The following RBMS3 variants were observed in gnomAD, a reference collection of about 807,000 sequenced individuals.
RBMS3 encodes RNA binding motif single stranded interacting protein 3.
RBMS3 carries 27 observed loss-of-function variants against 66.8 expected under a neutral mutation model. The observed-to-expected ratio is 0.40, with a 90% CI of 0.30 to 0.56. The LOEUF (loss-of-function observed/expected upper bound fraction) is 0.56. Ranked by LOEUF, RBMS3 falls within the 20% of genes least tolerant of loss-of-function variation. The probability of loss-of-function intolerance (pLI) is 0.40; values close to 1 mark genes in which losing one functional copy is unlikely to be tolerated. For synonymous variants in RBMS3, 188 were observed against 183.0 expected, an observed-to-expected ratio of 1.03 and a Z score of -0.22; for missense variants, 513 against 549.5, an observed-to-expected ratio of 0.93 and a Z score of 0.66.
rs374079271 is a variant in RBMS3 at position 29,639,894 on chromosome 3, T to C, written c.399+52689T>C. Reference sequence around the variant, plus strand: ...AAGTTCCAGGAGAAAATTGAATAACTGTTCAATGAGGTATTCAGATGACGG... The same window carrying C: ...AAGTTCCAGGAGAAAATTGAATAACCGTTCAATGAGGTATTCAGATGACGG... On this transcript the variant is annotated intron_variant, in intron 4 of 14. Coordinates refer to ENST00000383767, the MANE Select transcript of RBMS3 (RefSeq NM_001003793.3). Among the ~76,000 whole-genome samples, 51 of 151,922 alleles carry C rather than the reference T, an allele frequency of 3.4e-4. No homozygotes were observed. In the South Asian group the frequency reaches 4.8e-3, roughly 14 times the overall value.
At chr3:29,350,881 T>TAA (rs760592484) in intron 1 of RBMS3, among the ~76,000 whole-genome samples, 3 of 145,564 alleles carry the variant, frequency 2.1e-5, no homozygotes, top group Non-Finnish European at 3.0e-5. Flanking sequence ...ATGTGCATGG[T>TAA]AAAAAAAAAA....
intron 4 of RBMS3, among the ~76,000 whole-genome samples, chr3:29,657,631 G>A (rs2050372020): frequency 6.6e-6 from 1 of 152,060 alleles, no homozygotes; most frequent in African/African-American, 2.4e-5. Flanking sequence ...CTCAAGGGAG[G>A]GGCAGGGTTC....
At chr3:29,475,148 G>A (rs10510621) in intron 2 of RBMS3, among the ~76,000 whole-genome samples, 19,025 of 152,044 alleles carry the variant, frequency 0.13, 1,238 homozygotes, top group East Asian at 0.15. Flanking sequence ...TGTCTGTAAC[G>A]GATGCTTAAG....
chr3:29,578,367 C>CT (rs150054414), intron 3 of RBMS3, among the ~76,000 whole-genome samples: 2,295 of 152,130 alleles, frequency 0.015, 61 homozygotes, highest in African/African-American at 0.053. Flanking sequence ...CATATAAGTG[C>CT]TTTTTTTATT....
chr3:29,314,310 C>A (rs2034550032), intron 1 of RBMS3, among the ~76,000 whole-genome samples: 1 of 151,600 alleles, frequency 6.6e-6, no homozygotes, highest in Non-Finnish European at 1.5e-5. Flanking sequence ...GCAATAATAC[C>A]TTCTCATGTA....
At chr3:29,693,015 A>G (rs1259314738) in intron 4 of RBMS3, among the ~76,000 whole-genome samples, 1 of 152,132 alleles carries the variant, frequency 6.6e-6, no homozygotes, top group Non-Finnish European at 1.5e-5. Context: ...CTAGATTTAT[A>G]TTTCCAGAAA....
intron 1 of RBMS3, among the ~76,000 whole-genome samples, chr3:29,311,885 A>G (rs1337392360): frequency 6.6e-6 from 1 of 151,852 alleles, no homozygotes; most frequent in African/African-American, 2.4e-5. Context: ...TTGGATAGCC[A>G]GATGTATGCC....
chr3:29,945,399 G>A (rs1388374939), intron 12 of RBMS3, among the ~76,000 whole-genome samples: 3 of 151,622 alleles, frequency 2.0e-5, no homozygotes, highest in Middle Eastern at 3.2e-3. Context: ...ATGTCCCATT[G>A]AGGAAGAATA....
In RBMS3 at chr3:29,762,971, A is replaced by C; in HGVS notation, c.619A>C (p.Thr207Pro). Residue 207 changes from threonine to proline, a missense_variant, in exon 6 of 15, where the codon ACA becomes CCA. Coordinates refer to ENST00000383767, the MANE Select transcript of RBMS3 (RefSeq NM_001003793.3). ...ACATTTTAATGGAAAATATCTGAAA[A>C]CACCACCAGGCATCCCAGGTAAGAA... ...IQHFNGKYLK[T>P]PPGIPAPSEP... The C allele has an allele frequency of 6.2e-7, 1 of 1,607,518 alleles. No individual in the cohort carries two copies.
chr3:29,856,376 C>T (rs367564275), intron 6 of RBMS3, among the ~76,000 whole-genome samples: 30 of 152,236 alleles, frequency 2.0e-4, no homozygotes, highest in African/African-American at 6.7e-4. Context: ...GAAGGAGCAG[C>T]GTAAGCAGAT....
chr3:29,326,449 CTG>C (rs2035341034), intron 1 of RBMS3, among the ~76,000 whole-genome samples: 2 of 152,182 alleles, frequency 1.3e-5, no homozygotes, highest in Admixed American at 1.3e-4. Flanking sequence ...AGTGTTCTCT[CTG>C]TAGTTCTGAT....
At chr3:29,600,447 C>CTT (rs1259473345) in intron 4 of RBMS3, among the ~76,000 whole-genome samples, 9 of 152,154 alleles carry the variant, frequency 5.9e-5, no homozygotes, top group African/African-American at 2.2e-4. Flanking sequence ...TCTGGCTTCC[C>CTT]TTTGCTTTCT....
chr3:29,741,650 A>G (rs957873229), intron 5 of RBMS3, among the ~76,000 whole-genome samples: 1 of 152,226 alleles, frequency 6.6e-6, no homozygotes, highest in African/African-American at 2.4e-5. Context: ...TCTTTAAACA[A>G]AGGATGTGTT....
intron 6 of RBMS3, among the ~76,000 whole-genome samples, chr3:29,802,448 C>A (rs1038816950): frequency 6.6e-6 from 1 of 151,900 alleles, no homozygotes; most frequent in African/African-American, 2.4e-5. Context: ...AAAAATATGC[C>A]CGATTATTTG....
chr3:29,362,057 C>A (rs2037626259), intron 1 of RBMS3, among the ~76,000 whole-genome samples: 1 of 152,232 alleles, frequency 6.6e-6, no homozygotes, highest in African/African-American at 2.4e-5. Flanking sequence ...TTGTCAAAGT[C>A]ATTCTCCGTC....
chr3:29,604,980 C>G (rs1209924620), intron 4 of RBMS3, among the ~76,000 whole-genome samples: 1 of 151,824 alleles, frequency 6.6e-6, no homozygotes, highest in African/African-American at 2.4e-5. Flanking sequence ...CAAAATAAAG[C>G]AAAAATAAAT....
At chr3:29,287,749 A>G (rs1340654768) in intron 1 of RBMS3, among the ~76,000 whole-genome samples, 1 of 152,084 alleles carries the variant, frequency 6.6e-6, no homozygotes, top group Admixed American at 6.6e-5. Flanking sequence ...TATAGGATTA[A>G]TCATACTAAT....
chr3:29,478,195 A>T (rs1045716591), intron 2 of RBMS3, among the ~76,000 whole-genome samples: 1 of 152,216 alleles, frequency 6.6e-6, no homozygotes, highest in Middle Eastern at 3.2e-3. Context: ...GTGCTTGCAG[A>T]TACAGTGAGA....
At chr3:29,767,282 A>G (rs1486120991) in intron 6 of RBMS3, 4 of 151,894 alleles carry the variant, frequency 2.6e-5, no homozygotes, top group Non-Finnish European at 5.9e-5. Flanking sequence ...AAAATAAATC[A>G]TGTTTTGCTC....
Sources: allele counts gnomAD v4.1 joint callset (sites outside exome capture counted in the v4.1 genomes callset), GRCh38; gene constraint gnomAD v4.1.1; transcripts MANE v1.5; gene names NCBI Gene and HGNC (gene_info 2026-07-23, HGNC 2026-07-21).